GALNTL6: variants seen among roughly 807,000 people sequenced by gnomAD.
GALNTL6 encodes polypeptide N-acetylgalactosaminyltransferase like 6.
In GALNTL6, 46 loss-of-function variants were observed where a neutral mutation model predicts 73.7. The observed-to-expected ratio is 0.62, with a 90% confidence interval of 0.49 to 0.80. GALNTL6 has a LOEUF of 0.80. Among genes scored for constraint, GALNTL6 ranks in the 30% least tolerant of loss-of-function variants. The pLI is 0.00. For missense variants in GALNTL6, 604 were observed against 755.0 expected (o/e 0.80, Z 2.34); for synonymous variants, 259 against 263.7 (o/e 0.98, Z 0.17).
At chr4:172,993,153 T>C (rs1186837950) in intron 10 of GALNTL6, among the ~76,000 whole-genome samples, 2 of 152,216 alleles carry the variant, frequency 1.3e-5, no homozygotes, top group African/African-American at 4.8e-5. Context: ...TGTTTGAAGA[T>C]AGGGTGTTTA....
At chr4:172,198,465 T>G (rs189455501) in intron 2 of GALNTL6, among the ~76,000 whole-genome samples, 27 of 151,082 alleles carry the variant, frequency 1.8e-4, no homozygotes, top group Admixed American at 1.6e-3. Flanking sequence ...GAACAGAAAC[T>G]TCTCAAAAGA....
intron 2 of GALNTL6, among the ~76,000 whole-genome samples, chr4:172,153,702 G>A (rs1404829524): frequency 6.6e-6 from 1 of 152,134 alleles, no homozygotes; most frequent in Non-Finnish European, 1.5e-5. Context: ...GACCATACAG[G>A]CTGATACATT....
Position 172,001,745 on chromosome 4 carries a change from G to A in GALNTL6, c.138+187027G>A, listed in dbSNP as rs531983207. ...TCCTCTCTAGGGGTTCTTCTTACTC[G>A]TAAGATAAAGCTGCTTCAGGTAGAT... On this transcript the variant is annotated intron_variant, in intron 2 of 12. Transcript: ENST00000506823. Among the ~76,000 whole-genome samples, 14 of 152,140 alleles carry A rather than the reference G, an allele frequency of 9.2e-5. No homozygotes were observed. In the South Asian group the frequency reaches 1.2e-3, roughly 14 times the overall value.
chr4:172,765,737 G>A (rs922118919), intron 5 of GALNTL6, among the ~76,000 whole-genome samples: 9 of 151,990 alleles, frequency 5.9e-5, no homozygotes, highest in South Asian at 4.2e-4. Context: ...CTCTTCAGTC[G>A]TCTCCCACAC....
At chr4:172,317,029 G>T (rs993050127) in intron 4 of GALNTL6, among the ~76,000 whole-genome samples, 1 of 152,134 alleles carries the variant, frequency 6.6e-6, no homozygotes, top group African/African-American at 2.4e-5. Flanking sequence ...GAAAGGCCAG[G>T]TGCGTTTGTC....
intron 5 of GALNTL6, among the ~76,000 whole-genome samples, chr4:172,402,012 TGAAA>T (rs1384558965): frequency 9.3e-5 from 14 of 150,846 alleles, no homozygotes; most frequent in African/African-American, 2.2e-4. Flanking sequence ...ACTCTCCTCC[TGAAA>T]GAAAGAATTT....
In GALNTL6 at chr4:172,096,084, C is replaced by CTG. The variant is rs138495979; in HGVS notation, c.139-133548_139-133547dup. On this transcript the variant is annotated intron_variant, in intron 2 of 12. Transcript: ENST00000506823. ...TTTCGATTTCTCTCTCTCTCTCTTT[C>CTG]TGTGTGTGTGTGTGTGTGTGTGTGT... is the stretch of plus-strand genomic sequence containing the variant. Among the ~76,000 whole-genome samples the CTG allele has an allele frequency of 9.5e-3, 1,405 of 147,166 alleles. 26 individuals carry two copies. Among genetic ancestry groups the CTG allele is most frequent in the African/African-American group, 0.033 (1,305 of 39,810 alleles).
chr4:172,200,921 C>T (rs962130746), intron 2 of GALNTL6, among the ~76,000 whole-genome samples: 3 of 152,116 alleles, frequency 2.0e-5, no homozygotes, highest in African/African-American at 7.2e-5. Context: ...GAGCTTAATG[C>T]AATGCTGGGT....
chr4:172,012,690 G>A (rs1741053778), intron 2 of GALNTL6, among the ~76,000 whole-genome samples: 1 of 151,830 alleles, frequency 6.6e-6, no homozygotes, highest in Non-Finnish European at 1.5e-5. Flanking sequence ...AACTTCCCAT[G>A]ACTTTACTCA....
chr4:172,352,136 C>G (rs1375459234), intron 5 of GALNTL6, among the ~76,000 whole-genome samples: 1 of 151,974 alleles, frequency 6.6e-6, no homozygotes, highest in African/African-American at 2.4e-5. Context: ...AAGTAAAATA[C>G]TAAAATATTA....
At chr4:172,542,472 A>G (rs1426850162) in intron 5 of GALNTL6, among the ~76,000 whole-genome samples, 1 of 151,498 alleles carries the variant, frequency 6.6e-6, no homozygotes, top group African/African-American at 2.4e-5. Context: ...CTTACCGAGG[A>G]CTCCTATACC....
At chr4:172,190,715 G>A (rs1327929447) in intron 2 of GALNTL6, among the ~76,000 whole-genome samples, 6 of 152,160 alleles carry the variant, frequency 3.9e-5, no homozygotes, top group South Asian at 2.1e-4. Flanking sequence ...ATTCCCCAAA[G>A]CAACAAAAAG....
At chr4:172,752,258 C>T (rs896176550) in intron 5 of GALNTL6, among the ~76,000 whole-genome samples, 1 of 151,924 alleles carries the variant, frequency 6.6e-6, no homozygotes, top group Non-Finnish European at 1.5e-5. Context: ...AGGCTGAATG[C>T]TTGTGGGCTT....
At position 172,844,455 on chromosome 4, in the gene GALNTL6, C is replaced by T. The variant is rs142968593; in HGVS notation, c.923+30732C>T. Among the ~76,000 whole-genome samples the T allele has an allele frequency of 2.4e-3, 362 of 152,340 alleles. 2 individuals are homozygous for T. Among genetic ancestry groups the T allele is most frequent in the African/African-American group, 8.5e-3 (353 of 41,582 alleles). On this transcript the variant is annotated intron_variant, in intron 7 of 12. Coordinates refer to ENST00000506823, the MANE Select transcript of GALNTL6 (RefSeq NM_001034845.3). The stretch of plus-strand genomic sequence containing the variant: ...GAGAGTGGCAGAGCTCGAGCACAAA[C>T]TCAAATCTTTTTCTTCCAAAGCTCA...
chr4:172,439,172 TCACACACACACA>T lies in GALNTL6; in HGVS notation c.553+90511_553+90522del, dbSNP rs57281407. Among the ~76,000 whole-genome samples, 1,369 of 145,726 alleles carry T rather than the reference TCACACACACACA, an allele frequency of 9.4e-3. 21 individuals carry two copies. Among genetic ancestry groups the T allele is most frequent in the African/African-American group, 0.033 (1,286 of 39,492 alleles). ...CCAGCTACCCATTTCTCTCTCCCCT[TCACACACACACA>T]CACACACACACACACACACACACAC... On this transcript the variant is annotated intron_variant, in intron 5 of 12. Coordinates refer to ENST00000506823, the MANE Select transcript of GALNTL6 (RefSeq NM_001034845.3).
intron 10 of GALNTL6, among the ~76,000 whole-genome samples, chr4:172,992,063 G>C (rs1044836210): frequency 4.6e-5 from 7 of 152,196 alleles, no homozygotes; most frequent in Non-Finnish European, 1.0e-4. Flanking sequence ...AACCCTCTAA[G>C]CTAGACCCAA....
intron 3 of GALNTL6, among the ~76,000 whole-genome samples, chr4:172,251,040 C>CA (rs112478194): frequency 0.042 from 6,338 of 151,036 alleles, 430 homozygotes; most frequent in African/African-American, 0.14. Context: ...CAGGGTTGTC[C>CA]AAAAAAAATA....
At chr4:172,263,385 T>C (rs1477204619) in intron 3 of GALNTL6, among the ~76,000 whole-genome samples, 2 of 151,570 alleles carry the variant, frequency 1.3e-5, no homozygotes, top group East Asian at 3.9e-4. Flanking sequence ...TCTGAAGTTG[T>C]TTTTCCTACT....
At chr4:172,010,137 T>G (rs1740960566) in intron 2 of GALNTL6, among the ~76,000 whole-genome samples, 1 of 152,122 alleles carries the variant, frequency 6.6e-6, no homozygotes, top group African/African-American at 2.4e-5. Flanking sequence ...TATTGCTCCC[T>G]TTGCCTAGGA....
Sources: gnomAD v4.1 joint callset for allele counts (sites outside exome capture counted in the v4.1 genomes callset) on GRCh38, gnomAD v4.1.1 for gene constraint, MANE v1.5 for transcripts, NCBI Gene and HGNC (gene_info 2026-07-23, HGNC 2026-07-21) for gene names.